CAMK2A: variants seen among roughly 807,000 people sequenced by gnomAD.
CAMK2A encodes calcium/calmodulin dependent protein kinase II alpha, also known as calcium/calmodulin-dependent protein kinase type II subunit alpha.
CAMK2A carries 7 observed loss-of-function variants against 79.2 expected under a neutral mutation model. That is an observed-to-expected ratio of 0.09 (90% CI 0.05 to 0.17). The LOEUF (loss-of-function observed/expected upper bound fraction) is 0.17. CAMK2A is among the 10% of genes least tolerant of loss of function. CAMK2A has a pLI of 1.00. For synonymous variants in CAMK2A, 242 were observed against 251.7 expected (o/e 0.96, Z 0.36); for missense variants, 214 against 646.4 (o/e 0.33, Z 7.25).
intron 11 of CAMK2A, 109 bp from the exon 12 acceptor site, chr5:150,247,923 AGAG>A: frequency 1.1e-6 from 1 of 886,378 alleles, no homozygotes; most frequent in East Asian, 2.6e-5. Flanking sequence ...TGCTGCATTC[AGAG>A]AAGAAGCCAA....
intron 1 of CAMK2A, among the ~76,000 whole-genome samples, chr5:150,286,485 C>T (rs1324222841): frequency 6.6e-6 from 1 of 152,244 alleles, no homozygotes; most frequent in Admixed American, 6.5e-5. Flanking sequence ...GCCAGAAGCC[C>T]TCCAGAGGGA....
At chr5:150,286,647 T>TGACTGCAGTGTCCCAGCTGGCAGG (rs1394981896) in intron 1 of CAMK2A, among the ~76,000 whole-genome samples, 1 of 152,226 alleles carries the variant, frequency 6.6e-6, no homozygotes, top group African/African-American at 2.4e-5. Context: ...TTTTGGGTGG[T>TGACTGCAGTGTCCCAGCTGGCAGG]GACTGCAGTG....
At chr5:150,224,666 G>C (rs13162545) in intron 17 of CAMK2A, among the ~76,000 whole-genome samples, 346 of 152,170 alleles carry the variant, frequency 2.3e-3, no homozygotes, top group Non-Finnish European at 3.9e-3. Flanking sequence ...AGACTTGGGA[G>C]TGACCTCAGA....
At chr5:150,289,798 AG>A, upstream of CAMK2A, 1 of 545,274 alleles carries the variant, frequency 1.8e-6, no homozygotes. Flanking sequence ...GGCTGCTCAC[AG>A]CCTCGCGAGC....
chr5:150,288,607 C>G (rs571259530), intron 1 of CAMK2A, among the ~76,000 whole-genome samples: 1 of 152,204 alleles, frequency 6.6e-6, no homozygotes, highest in Non-Finnish European at 1.5e-5. Flanking sequence ...GGCCCCTCCC[C>G]CCGTGCTCCT....
intron 1 of CAMK2A, among the ~76,000 whole-genome samples, chr5:150,287,937 C>CTCTG (rs138294685): frequency 3.4e-4 from 48 of 140,878 alleles, no homozygotes; most frequent in African/African-American, 1.3e-3. Flanking sequence ...AGGATAGCCT[C>CTCTG]TGTGTGTGTG....
rs563644236 is a variant in CAMK2A at position 150,256,703 on chromosome 5, G to A, written c.339-58C>T. 27 of 1,608,150 alleles carry A rather than the reference G, an allele frequency of 1.7e-5. No individual in the cohort carries two copies. The East Asian group carries it at 3.8e-4, about 23-fold the overall frequency. On this transcript the variant is annotated intron_variant, in intron 5 of 18. Coordinates refer to ENST00000671881, the MANE Select transcript of CAMK2A (RefSeq NM_015981.4). The surrounding 1 kb of genome is among the most constrained non-coding windows in gnomAD (Gnocchi z 4.6). ...TGTGAGCACAGGCCTCCCCTGGGAAGCTGACAGCAGGCAAGAGTGCCCTGT... is the reference window on the plus strand; with the variant it reads ...TGTGAGCACAGGCCTCCCCTGGGAAACTGACAGCAGGCAAGAGTGCCCTGT...
rs376671920 is a variant in CAMK2A at position 150,235,296 on chromosome 5, G to A, written c.1066+3404C>T. ...TGGGGGCCTGGTGCTTCTTACATCT[G>A]GAAAGTCCACTCTGATTCTGGGCCT... On this transcript the variant is annotated intron_variant, in intron 15 of 18. Transcript: ENST00000671881. Among the ~76,000 whole-genome samples, 49 of 152,272 alleles carry A rather than the reference G, an allele frequency of 3.2e-4. 3 individuals carry two copies. In the South Asian group the frequency reaches 3.5e-3, roughly 11 times the overall value.
intron 1 of CAMK2A, among the ~76,000 whole-genome samples, chr5:150,278,699 C>G (rs73796395): frequency 6.7e-6 from 1 of 150,262 alleles, no homozygotes; most frequent in African/African-American, 2.5e-5. Context: ...CTGAATTCCT[C>G]GAGGGGTGTA....
At position 150,289,768 on chromosome 5, in the gene CAMK2A, G is replaced by A; in HGVS notation, c.-143C>T. 1 of 626,966 alleles carries A rather than the reference G, an allele frequency of 1.6e-6. No homozygotes were observed. The allele number at this position is 626,966 out of a possible 1,614,324, so 38.8% of individuals were successfully genotyped here. ...AACCGGTTTGACTGACGAGCCCGGG[G>A]CTTCTGAGCAGGGCACTGTGGCTGC... On this transcript the variant is annotated 5_prime_UTR_variant, in exon 1 of 19. Coordinates refer to ENST00000671881, the MANE Select transcript of CAMK2A (RefSeq NM_015981.4).
chr5:150,226,744 AGG>A lies in CAMK2A; in HGVS notation c.1237+1446_1237+1447del, dbSNP rs530069538. ...AGTGAGACTCAGTCAAAAAAAAAAA[AGG>A]GGGGGGGGGGATTTTCCTGAATTGA... On this transcript the variant is annotated intron_variant, in intron 17 of 18. Transcript: ENST00000671881. Among the ~76,000 whole-genome samples the A allele has an allele frequency of 9.2e-3, 774 of 84,468 alleles. 35 individuals are homozygous for A. The highest frequency in any genetic ancestry group is 0.028 in the African/African-American group (660 of 23,532). The allele number at this position is 84,468 out of a possible 152,430, so 55.4% of individuals were successfully genotyped here. A position where few individuals can be genotyped will look rare whatever the true frequency, so the allele number is the denominator to read the frequency against.
chr5:150,254,052 G>A (rs1755951418), intron 6 of CAMK2A, among the ~76,000 whole-genome samples: 1 of 152,106 alleles, frequency 6.6e-6, no homozygotes, highest in Non-Finnish European at 1.5e-5. Flanking sequence ...TGCACTTCCT[G>A]TTTTCCTCCT....
chr5:150,250,573 C>G, intron 10 of CAMK2A, 115 bp downstream of exon 10: 1 of 1,430,018 alleles, frequency 7.0e-7, no homozygotes. Flanking sequence ...GGGGCAGTCT[C>G]TTGGATTAAG....
At chr5:150,231,437 T>G in intron 15 of CAMK2A, 57 bp from the exon 16 acceptor site, 1 of 716,592 alleles carries the variant, frequency 1.4e-6, no homozygotes, top group Non-Finnish European at 2.0e-6. Context: ...ATAATAATAA[T>G]AATAATAGTG....
intron 1 of CAMK2A, among the ~76,000 whole-genome samples, chr5:150,282,148 C>G (rs1006789133): frequency 2.0e-5 from 3 of 152,114 alleles, no homozygotes; most frequent in Non-Finnish European, 2.9e-5. Context: ...GAGGCTGCAG[C>G]CACCCACTCC....
At chr5:150,263,479 TCTCACATACACTCACACA>T (rs1756380627) in intron 3 of CAMK2A, among the ~76,000 whole-genome samples, 1 of 147,532 alleles carries the variant, frequency 6.8e-6, no homozygotes, top group South Asian at 2.2e-4. Flanking sequence ...CTCCACACAC[TCTCACATACACTCACACA>T]CTCACATACA....
chr5:150,245,390 C>G lies in CAMK2A; in HGVS notation c.944-189G>C, dbSNP rs1755525290. On this transcript the variant is annotated intron_variant, in intron 12 of 18. Transcript: ENST00000671881. ...TCCTCCTCCTCCCTCCTTGGAGGCC[C>G]AGGGACTGCCTGGGTTCCCCGCCTT... 13 of 611,460 alleles carry G rather than the reference C, an allele frequency of 2.1e-5. 1 individual carries two copies. The highest frequency in any genetic ancestry group is 1.7e-4 in the Admixed American group (6 of 34,740). The allele number at this position is 611,460 out of a possible 1,614,324, so 37.9% of individuals were successfully genotyped here.
chr5:150,263,422 G>A (rs1183219845), intron 3 of CAMK2A, among the ~76,000 whole-genome samples: 3 of 148,724 alleles, frequency 2.0e-5, no homozygotes, highest in South Asian at 4.3e-4. Flanking sequence ...ACTCACATAC[G>A]CACATTCACA....
At chr5:150,253,238 G>A (rs1390321592) in intron 7 of CAMK2A, among the ~76,000 whole-genome samples, 2 of 152,200 alleles carry the variant, frequency 1.3e-5, no homozygotes, top group African/African-American at 2.4e-5. Context: ...GAAGGCCGTA[G>A]GGTCCCATGC....
Sources: gnomAD v4.1 joint callset for allele counts (sites outside exome capture counted in the v4.1 genomes callset) on GRCh38, gnomAD v4.1.1 for gene constraint, Gnocchi (gnomAD v3.1) non-coding constraint, MANE v1.5 for transcripts, NCBI Gene and HGNC (gene_info 2026-07-23, HGNC 2026-07-21) for gene names.